The following SULT1B1 variants were observed in gnomAD, a reference collection of about 807,000 sequenced individuals.
SULT1B1 encodes the protein sulfotransferase family 1B member 1.
A neutral mutation model predicts 34.6 loss-of-function variants in SULT1B1; 28 were observed. The ratio of observed to expected loss-of-function variants is 0.81; its 90% CI spans 0.60 to 1.11. The LOEUF (loss-of-function observed/expected upper bound fraction) is 1.11, where lower values mean the gene tolerates loss of function less well. Ranked by LOEUF, SULT1B1 falls within the 50% of genes least tolerant of loss-of-function variation. The pLI is 0.00. For synonymous variants in SULT1B1, 147 were observed against 110.2 expected (o/e 1.33, Z -2.09); for missense variants, 374 against 352.2 (o/e 1.06, Z -0.50).
At chr4:69,759,341 G>A (rs574644151) in intron 1 of SULT1B1, among the ~76,000 whole-genome samples, 5 of 152,294 alleles carry the variant, frequency 3.3e-5, no homozygotes, top group Admixed American at 2.0e-4. Context: ...AAAAATGTCC[G>A]TGATTTATCT....
intron 7 of SULT1B1, among the ~76,000 whole-genome samples, chr4:69,727,570 T>G (rs1005449269): frequency 6.6e-6 from 1 of 152,080 alleles, no homozygotes; most frequent in Non-Finnish European, 1.5e-5. Flanking sequence ...TAGTCAGGCA[T>G]ATTTTATTTC....
Position 69,727,143 on chromosome 4 carries a change from G to C in SULT1B1, c.836C>G (p.Ala279Gly). ...TTTGGACATTTCTGTCTCATAAATA[G>C]CATCAAATTTCTCATTTTGGGCCAC... ...FTVAQNEKFDAIYETEMSKTA... is the reference protein window; with the variant it reads ...FTVAQNEKFDGIYETEMSKTA... Residue 279 changes from alanine (A) to glycine (G), a missense_variant, in exon 8 of 8, where the codon GCT becomes GGT. Physicochemically the swap from Ala to Gly is moderately conservative, Grantham distance 60. Coordinates refer to ENST00000310613, the MANE Select transcript of SULT1B1 (RefSeq NM_014465.4). The C allele has an allele frequency of 4.3e-6, 7 of 1,611,498 alleles. No homozygotes were observed. Among genetic ancestry groups the C allele is most frequent in the Non-Finnish European group, 5.9e-6 (7 of 1,178,660 alleles).
rs529254733 is a variant in SULT1B1 at position 69,758,051 on chromosome 4, T to C, written c.-45+2408A>G. On this transcript the variant is annotated intron_variant, in intron 1 of 7. Coordinates refer to ENST00000310613, the MANE Select transcript of SULT1B1 (RefSeq NM_014465.4). The stretch of plus-strand genomic sequence containing the variant: ...CTTCTCAGTTATCCTCCATTTCCAG[T>C]AAAATGTCAGGTAGTCTTTGCAATA... Among the ~76,000 whole-genome samples the C allele has an allele frequency of 4.4e-4, 67 of 152,298 alleles. 2 individuals are homozygous for C. In the South Asian group the frequency reaches 0.011, roughly 25 times the overall value.
Position 69,722,264 on chromosome 4 carries a change from A to G in SULT1B1, c.*4824T>C, listed in dbSNP as rs533157053. ...CCAATTACAGAGAGTTATTTCTACAAAGTAAAACTAGAAAATGTGGAAATT... is the reference window on the plus strand; with the variant it reads ...CCAATTACAGAGAGTTATTTCTACAGAGTAAAACTAGAAAATGTGGAAATT... On this transcript the variant is annotated 3_prime_UTR_variant, in exon 8 of 8. Transcript: ENST00000310613. 19 of 152,282 alleles carry G rather than the reference A, an allele frequency of 1.2e-4. No homozygotes were observed. Among genetic ancestry groups the G allele is most frequent in the Non-Finnish European group, 2.6e-4 (18 of 67,992 alleles). 9.4% of individuals were successfully genotyped at this position (152,282 alleles called of 1,614,324 possible).
At position 69,724,958 on chromosome 4, in the gene SULT1B1, T is replaced by A. The variant is rs1380997510; in HGVS notation, c.*2130A>T. 1 of 152,132 alleles carries A rather than the reference T, an allele frequency of 6.6e-6. No homozygotes were observed. Among genetic ancestry groups the A allele is most frequent in the African/African-American group, 2.4e-5 (1 of 41,422 alleles). 9.4% of individuals were successfully genotyped at this position (152,132 alleles called of 1,614,324 possible). A position where few individuals can be genotyped will look rare whatever the true frequency, so the allele number is the denominator to read the frequency against. On this transcript the variant is annotated 3_prime_UTR_variant, in exon 8 of 8. Transcript: ENST00000310613. ...GGCAATATCATTCAGGACATAGGCA[T>A]GGGCAAGGACTTCATGTCTAAAACA...
At chr4:69,743,386 A>T (rs561929907) in intron 4 of SULT1B1, among the ~76,000 whole-genome samples, 1 of 152,214 alleles carries the variant, frequency 6.6e-6, no homozygotes, top group South Asian at 2.1e-4. Flanking sequence ...AGGACGTTTT[A>T]TGGGCCTCAG....
chr4:69,740,758 T>C (rs985203278), intron 4 of SULT1B1, among the ~76,000 whole-genome samples: 3 of 152,238 alleles, frequency 2.0e-5, no homozygotes, highest in Non-Finnish European at 2.9e-5. Flanking sequence ...GTTCATGTCT[T>C]TTGCCAGTTT....
At chr4:69,730,427 A>G (rs1718027261) in intron 7 of SULT1B1, 74 bp downstream of exon 7, 1 of 1,377,612 alleles carries the variant, frequency 7.3e-7, no homozygotes, top group East Asian at 2.3e-5. Context: ...AGTAGAGATC[A>G]CAGAACTAAT....
intron 1 of SULT1B1, chr4:69,758,408 T>C (rs1426105452): frequency 1.0e-6 from 1 of 985,204 alleles, no homozygotes; most frequent in Non-Finnish European, 1.2e-6. Context: ...TTAGACTTGA[T>C]TTCCACATGA....
At chr4:69,747,719 C>T (rs1718806327) in intron 4 of SULT1B1, among the ~76,000 whole-genome samples, 1 of 152,254 alleles carries the variant, frequency 6.6e-6, no homozygotes, top group Non-Finnish European at 1.5e-5. Flanking sequence ...GCTAAAATGT[C>T]TCTGGGCATC....
At chr4:69,736,092 C>G (rs1411817362) in intron 4 of SULT1B1, among the ~76,000 whole-genome samples, 1 of 152,114 alleles carries the variant, frequency 6.6e-6, no homozygotes, top group Non-Finnish European at 1.5e-5. Flanking sequence ...CTCAGTGCTG[C>G]CCTGTCACAG....
intron 4 of SULT1B1, among the ~76,000 whole-genome samples, chr4:69,744,249 A>G (rs1324618075): frequency 6.6e-6 from 1 of 150,910 alleles, no homozygotes; most frequent in Non-Finnish European, 1.5e-5. Context: ...CCAGGGGTGG[A>G]CTCTAGGGAC....
At chr4:69,746,358 G>A (rs1472507903) in intron 4 of SULT1B1, among the ~76,000 whole-genome samples, 1 of 151,800 alleles carries the variant, frequency 6.6e-6, no homozygotes, top group African/African-American at 2.4e-5. Flanking sequence ...TCACAGGTTT[G>A]GTGTCTATAT....
At chr4:69,753,242 A>T (rs1234994360) in intron 3 of SULT1B1, among the ~76,000 whole-genome samples, 1 of 152,182 alleles carries the variant, frequency 6.6e-6, no homozygotes, top group Non-Finnish European at 1.5e-5. Context: ...ATGGTTCCAT[A>T]GTCCACTTGC....
chr4:69,730,879 T>C (rs1338909916), intron 6 of SULT1B1, among the ~76,000 whole-genome samples, 198 bp from the exon 7 acceptor site: 1 of 152,186 alleles, frequency 6.6e-6, no homozygotes, highest in Non-Finnish European at 1.5e-5. Flanking sequence ...ATTTTCTGTG[T>C]CAGTCCTCTC....
chr4:69,749,764 G>C lies in SULT1B1; in HGVS notation c.332C>G (p.Pro111Arg). 6.2e-7 allele frequency: 1 copy of C among 1,613,568 alleles called. No homozygotes were observed. Among genetic ancestry groups the C allele is most frequent in the Non-Finnish European group, 8.5e-7 (1 of 1,179,616 alleles). The change falls in exon 4 of 8, where the codon CCG becomes CGG. Residue 111 changes from proline (P) to arginine (R), a missense_variant. Physicochemically the swap from Pro to Arg is moderately radical, Grantham distance 103. Transcript: ENST00000310613. ...GAAAGATTTAGGAAGAAGATCAGTC[G>C]GTAGATGTGTTTTCACAATCCGGGG... Reference protein sequence around the residue: ...PSPRIVKTHLPTDLLPKSFWE... With the variant: ...PSPRIVKTHLRTDLLPKSFWE...
intron 3 of SULT1B1, among the ~76,000 whole-genome samples, chr4:69,752,205 T>G (rs914190787): frequency 1.3e-5 from 2 of 152,228 alleles, no homozygotes; most frequent in Non-Finnish European, 2.9e-5. Flanking sequence ...ACTTGAATTT[T>G]AAGTTGAAAT....
chr4:69,734,617 C>T (rs1478417353), intron 4 of SULT1B1, among the ~76,000 whole-genome samples: 1 of 151,862 alleles, frequency 6.6e-6, no homozygotes. Flanking sequence ...AAGAGAATAC[C>T]AGCAAATTGA....
intron 4 of SULT1B1, among the ~76,000 whole-genome samples, chr4:69,737,730 T>C (rs1718373864): frequency 6.6e-6 from 1 of 151,622 alleles, no homozygotes; most frequent in African/African-American, 2.4e-5. Context: ...ATATTATAAA[T>C]AAATAAAAAT....
Sources: allele counts gnomAD v4.1 joint callset (sites outside exome capture counted in the v4.1 genomes callset), GRCh38; gene constraint gnomAD v4.1.1; transcripts MANE v1.5; gene names NCBI Gene and HGNC (gene_info 2026-07-23, HGNC 2026-07-21).